GPHN: variants seen among roughly 807,000 people sequenced by gnomAD.
GPHN encodes the protein gephyrin.
A neutral mutation model predicts 95.5 loss-of-function variants in GPHN; 17 were observed. The ratio of observed to expected loss-of-function variants is 0.18; its 90% CI spans 0.12 to 0.27. The LOEUF (loss-of-function observed/expected upper bound fraction) is 0.27. Ranked by LOEUF, GPHN falls within the 10% of genes least tolerant of loss-of-function variation. The probability of loss-of-function intolerance (pLI) is 1.00; values close to 1 mark genes in which losing one functional copy is unlikely to be tolerated. For missense variants in GPHN, 660 were observed against 978.1 expected, an observed-to-expected ratio of 0.67 and a Z score of 4.34; for synonymous variants, 320 against 322.5, an observed-to-expected ratio of 0.99 and a Z score of 0.08.
At chr14:67,362,766 T>A in the GPHN span, among the ~76,000 whole-genome samples, 1 of 152,180 alleles carries the variant, frequency 6.6e-6, no homozygotes, top group Admixed American at 6.5e-5. Flanking sequence ...AAAATTTAAG[T>A]TATTAGCATT....
At chr14:66,572,028 T>C (rs960794340) in intron 1 of GPHN, among the ~76,000 whole-genome samples, 1 of 152,214 alleles carries the variant, frequency 6.6e-6, no homozygotes, top group African/African-American at 2.4e-5. Flanking sequence ...TTGAAGGGAC[T>C]GTTCTTTCTC....
the GPHN span, among the ~76,000 whole-genome samples, chr14:67,372,830 A>C: frequency 3.3e-5 from 5 of 151,970 alleles, no homozygotes; most frequent in African/African-American, 1.2e-4. Context: ...CCATCTCAAA[A>C]AAAAAAACAA....
intron 10 of GPHN, among the ~76,000 whole-genome samples, chr14:67,038,923 C>G (rs1443857717): frequency 1.3e-5 from 2 of 152,180 alleles, no homozygotes; most frequent in Non-Finnish European, 2.9e-5. Flanking sequence ...TCTAAATATC[C>G]TTTTTCCCAT....
intron 2 of GPHN, among the ~76,000 whole-genome samples, chr14:66,707,667 C>T (rs1161949640): frequency 2.6e-5 from 4 of 150,944 alleles, no homozygotes; most frequent in East Asian, 3.9e-4. Context: ...GCCTGTTGGG[C>T]GGCGGCAGCG....
At chr14:67,187,056 T>C in the GPHN span, among the ~76,000 whole-genome samples, 3 of 152,034 alleles carry the variant, frequency 2.0e-5, no homozygotes, top group African/African-American at 7.2e-5. Context: ...GTGGTGTAAG[T>C]GGTCTGAAAT....
chr14:66,781,161 AT>A (rs1566938367), intron 3 of GPHN, among the ~76,000 whole-genome samples: 1 of 151,814 alleles, frequency 6.6e-6, no homozygotes, highest in African/African-American at 2.4e-5. Flanking sequence ...GAGTGAATAA[AT>A]TCCTGGCCCA....
intron 4 of GPHN, among the ~76,000 whole-genome samples, chr14:66,860,467 C>G (rs2062981626): frequency 6.6e-6 from 1 of 151,996 alleles, no homozygotes; most frequent in Admixed American, 6.5e-5. Context: ...AACACCAAAC[C>G]TATCCTACAA....
chr14:67,486,378 G>A, the GPHN span, among the ~76,000 whole-genome samples: 17 of 152,180 alleles, frequency 1.1e-4, no homozygotes, highest in Non-Finnish European at 2.1e-4. Flanking sequence ...AGGTTCAAGC[G>A]ATTCTCCTGC....
the GPHN span, among the ~76,000 whole-genome samples, chr14:67,574,582 G>A: frequency 6.6e-6 from 1 of 152,214 alleles, no homozygotes; most frequent in Non-Finnish European, 1.5e-5. The surrounding 1 kb of genome is among the most constrained non-coding windows in gnomAD (Gnocchi z 4.2). Flanking sequence ...GTGATGGCGA[G>A]TGATTCCCCG....
At chr14:66,611,931 T>G (rs965048935) in intron 1 of GPHN, among the ~76,000 whole-genome samples, 4 of 152,142 alleles carry the variant, frequency 2.6e-5, no homozygotes, top group African/African-American at 4.8e-5. Context: ...TGTAGAATAA[T>G]TCCCCATTGA....
At chr14:67,247,117 A>G in the GPHN span, among the ~76,000 whole-genome samples, 1 of 152,228 alleles carries the variant, frequency 6.6e-6, no homozygotes, top group Non-Finnish European at 1.5e-5. Context: ...ATTGTGTCTA[A>G]TTTAGAGATC....
At chr14:66,683,989 A>T (rs924504762) in intron 2 of GPHN, among the ~76,000 whole-genome samples, 10 of 152,130 alleles carry the variant, frequency 6.6e-5, no homozygotes, top group African/African-American at 2.4e-4. Context: ...AAAAAAAAAA[A>T]ACTCCTCCTC....
chr14:66,894,000 T>C (rs1393871833), intron 5 of GPHN, among the ~76,000 whole-genome samples: 1 of 151,976 alleles, frequency 6.6e-6, no homozygotes, highest in Middle Eastern at 3.2e-3. Context: ...CTTCACAGAA[T>C]TGGAAAAAAC....
chr14:67,485,270 C>G, the GPHN span, among the ~76,000 whole-genome samples: 1 of 152,188 alleles, frequency 6.6e-6, no homozygotes, highest in Non-Finnish European at 1.5e-5. Context: ...TCTTTACCCC[C>G]AACTCCCCTC....
chr14:67,595,388 A>G, the GPHN span, among the ~76,000 whole-genome samples: 1 of 152,228 alleles, frequency 6.6e-6, no homozygotes, highest in East Asian at 1.9e-4. Context: ...AAGTCAAACC[A>G]TCGTAAGTTG....
chr14:67,631,517 C>A, the GPHN span, among the ~76,000 whole-genome samples: 1 of 149,682 alleles, frequency 6.7e-6, no homozygotes, highest in Non-Finnish European at 1.5e-5. Flanking sequence ...CTCACTACAG[C>A]CTCCACCTCC....
intron 8 of GPHN, among the ~76,000 whole-genome samples, chr14:66,937,160 T>C (rs373161944): frequency 6.6e-6 from 1 of 152,018 alleles, no homozygotes; most frequent in Non-Finnish European, 1.5e-5. Context: ...CACAGCACCA[T>C]GCCCAGCTAA....
the GPHN span, among the ~76,000 whole-genome samples, chr14:67,602,269 G>A: frequency 1.3e-5 from 2 of 152,102 alleles, no homozygotes; most frequent in African/African-American, 2.4e-5. Flanking sequence ...TTTTTAAACC[G>A]TCAGATCTCG....
Position 66,773,998 on chromosome 14 carries a change from T to G in GPHN, c.144-2466T>G, listed in dbSNP as rs1312619130. Among the ~76,000 whole-genome samples the G allele has an allele frequency of 6.5e-3, 598 of 92,310 alleles. 12 individuals carry two copies. Among genetic ancestry groups the G allele is most frequent in the African/African-American group, 0.02 (565 of 27,852 alleles). 60.6% of individuals were successfully genotyped at this position (92,310 alleles called of 152,430 possible). ...TTGAGCATCATATCTAGAAAGTTTT[T>G]TTTTTTTTTTTTTTTTTTTTTTTGA... is the stretch of plus-strand genomic sequence containing the variant. On this transcript the variant is annotated intron_variant, in intron 2 of 22. Coordinates refer to ENST00000478722, the MANE Select transcript of GPHN (RefSeq NM_020806.5).
Sources: allele counts gnomAD v4.1 joint callset (sites outside exome capture counted in the v4.1 genomes callset), GRCh38; gene constraint gnomAD v4.1.1; non-coding constraint Gnocchi (gnomAD v3.1); transcripts MANE v1.5; gene names NCBI Gene and HGNC (gene_info 2026-07-23, HGNC 2026-07-21).